GREB1L: variants seen among roughly 807,000 people sequenced by gnomAD.
GREB1L encodes the protein GREB1 like retinoic acid receptor coactivator, also known as GREB1-like protein.
Under a neutral mutation model 200.8 loss-of-function variants are expected in GREB1L, and 17 were observed. That is an observed-to-expected ratio of 0.08 (90% CI 0.06 to 0.13). GREB1L has a LOEUF of 0.13. GREB1L is among the 10% of genes least tolerant of loss of function. GREB1L has a pLI of 1.00. For synonymous variants in GREB1L, 789 were observed against 893.0 expected (o/e 0.88, Z 2.08); for missense variants, 1,657 against 2,367.7 (o/e 0.70, Z 6.23).
chr18:21,519,725 T>G (rs529064153), intron 31 of GREB1L, among the ~76,000 whole-genome samples: 1 of 152,240 alleles, frequency 6.6e-6, no homozygotes, highest in Non-Finnish European at 1.5e-5. Context: ...TGAGGTATAG[T>G]GAAATGAAGG....
chr18:21,268,511 G>GTATATATA (rs1324427104), intron 1 of GREB1L, among the ~76,000 whole-genome samples: 6 of 67,150 alleles, frequency 8.9e-5, no homozygotes, highest in Non-Finnish European at 1.5e-4. Context: ...ATATATATAT[G>GTATATATA]TATATATATA....
In GREB1L at chr18:21,403,880, A is replaced by C; in HGVS notation, c.718A>C (p.Ser240Arg). Reference sequence around the variant, plus strand: ...TTTTTACTCTTTTCCAGAATGTAGAAGCCGACAATCCTCTGCTTCTTGCCA... The same window carrying C: ...TTTTTACTCTTTTCCAGAATGTAGACGCCGACAATCCTCTGCTTCTTGCCA... ...GPLICWKECR[S>R]RQSSASCHSI... The change falls in exon 7 of 33, where the codon AGC becomes CGC. Residue 240 changes from serine (S) to arginine (R), a missense_variant. By Grantham distance (110) the Ser-to-Arg change is moderately radical. Transcript: ENST00000424526. 1 of 1,551,286 alleles carries C rather than the reference A, an allele frequency of 6.4e-7. No individual in the cohort carries two copies. The highest frequency in any genetic ancestry group is 8.7e-7 in the Non-Finnish European group (1 of 1,146,618).
At chr18:21,478,391 A>G (rs554083385) in intron 17 of GREB1L, among the ~76,000 whole-genome samples, 40 of 152,250 alleles carry the variant, frequency 2.6e-4, no homozygotes, top group Non-Finnish European at 4.3e-4. Context: ...AAAATTAGCC[A>G]TTAAGCAATG....
intron 1 of GREB1L, among the ~76,000 whole-genome samples, chr18:21,292,269 G>A (rs1967225737): frequency 6.6e-6 from 1 of 152,150 alleles, no homozygotes; most frequent in African/African-American, 2.4e-5. Flanking sequence ...ACTGTCTGGT[G>A]CTGTGTTAGG....
intron 1 of GREB1L, among the ~76,000 whole-genome samples, chr18:21,308,127 G>C (rs1598646796): frequency 6.6e-6 from 1 of 152,166 alleles, no homozygotes. Context: ...AACTATTTTT[G>C]ACTAAGTACC....
At chr18:21,356,104 G>A (rs2039499825) in intron 1 of GREB1L, among the ~76,000 whole-genome samples, 3 of 148,858 alleles carry the variant, frequency 2.0e-5, no homozygotes, top group African/African-American at 7.5e-5. Flanking sequence ...CTCCTGAGTA[G>A]CTGGGATTAC....
intron 31 of GREB1L, among the ~76,000 whole-genome samples, 172 bp downstream of exon 31, chr18:21,518,406 A>G (rs2146113880): frequency 6.6e-6 from 1 of 152,298 alleles, no homozygotes; most frequent in Admixed American, 6.5e-5. Flanking sequence ...TTGTATTTCT[A>G]CCCTTTTGCA....
chr18:21,260,465 G>A (rs766853241), intron 1 of GREB1L, among the ~76,000 whole-genome samples: 2 of 151,892 alleles, frequency 1.3e-5, no homozygotes, highest in Non-Finnish European at 2.9e-5. Flanking sequence ...GCTTTAAACT[G>A]TTAGTCCTTT....
At chr18:21,271,593 A>G (rs2038079017) in intron 1 of GREB1L, among the ~76,000 whole-genome samples, 1 of 149,436 alleles carries the variant, frequency 6.7e-6, no homozygotes, top group South Asian at 2.1e-4. Flanking sequence ...TTGAGGCTGC[A>G]GTGAGCTATA....
chr18:21,444,520 C>T (rs1025701927), intron 11 of GREB1L, 111 bp downstream of exon 11: 11 of 876,136 alleles, frequency 1.3e-5, no homozygotes, highest in East Asian at 8.0e-5. Context: ...TTCCCTCTTT[C>T]GCTTCTAATG....
intron 7 of GREB1L, among the ~76,000 whole-genome samples, chr18:21,420,154 T>A (rs1393080336): frequency 6.6e-6 from 1 of 152,012 alleles, no homozygotes; most frequent in East Asian, 1.9e-4. Flanking sequence ...GGGCAGATCA[T>A]GAGGTCAGGA....
Position 21,521,036 on chromosome 18 carries a change from A to C in GREB1L, c.5608+213A>C, listed in dbSNP as rs560603713. 3.9e-5 allele frequency among the ~76,000 whole-genome samples: 6 copies of C among 152,232 alleles called. No homozygotes were observed. In the East Asian group the frequency reaches 1.2e-3, roughly 29 times the overall value. Reference sequence around the variant, plus strand: ...ATGGTGAAACCGTCTCTACTAAAAAATACAACAAAAATTAGCCAGGCATGG... The same window carrying C: ...ATGGTGAAACCGTCTCTACTAAAAACTACAACAAAAATTAGCCAGGCATGG... On this transcript the variant is annotated intron_variant, in intron 32 of 32. Coordinates refer to ENST00000424526, the MANE Select transcript of GREB1L (RefSeq NM_001142966.3).
chr18:21,406,624 A>C (rs2030270131), intron 7 of GREB1L, among the ~76,000 whole-genome samples: 1 of 152,190 alleles, frequency 6.6e-6, no homozygotes, highest in African/African-American at 2.4e-5. Context: ...GCACTTCCTT[A>C]ACTGATGGAT....
At chr18:21,488,738 C>T (rs1242052505) in intron 18 of GREB1L, among the ~76,000 whole-genome samples, 2 of 152,156 alleles carry the variant, frequency 1.3e-5, no homozygotes, top group Non-Finnish European at 2.9e-5. Context: ...CTCACTGTAA[C>T]CTCCACCTCC....
At chr18:21,273,532 A>G (rs1275411519) in intron 1 of GREB1L, among the ~76,000 whole-genome samples, 1 of 152,204 alleles carries the variant, frequency 6.6e-6, no homozygotes, top group African/African-American at 2.4e-5. Flanking sequence ...TCCTACGCAA[A>G]CAGAAGATAA....
At chr18:21,352,971 GGA>G (rs1197563431) in intron 1 of GREB1L, among the ~76,000 whole-genome samples, 7 of 151,966 alleles carry the variant, frequency 4.6e-5, no homozygotes, top group Non-Finnish European at 1.0e-4. Flanking sequence ...CATGAGGTCA[GGA>G]GATTGAGACC....
In GREB1L at chr18:21,508,599, G is replaced by C. The variant is rs766205221; in HGVS notation, c.4735+8G>C. Reference sequence around the variant, plus strand: ...TCAATAATGCAGGCGTGGGTAAGGGGCCCCCCTGGGATGGGGAGAAGGGCT... The same window carrying C: ...TCAATAATGCAGGCGTGGGTAAGGGCCCCCCCTGGGATGGGGAGAAGGGCT... On this transcript the variant is annotated splice_region_variant and intron_variant, in intron 27 of 32. Transcript: ENST00000424526. 2 of 1,550,534 alleles carry C rather than the reference G, an allele frequency of 1.3e-6. No homozygotes were observed. The highest frequency in any genetic ancestry group is 1.7e-6 in the Non-Finnish European group (2 of 1,146,690).
chr18:21,309,656 T>C (rs183714344), intron 1 of GREB1L, among the ~76,000 whole-genome samples: 1 of 152,278 alleles, frequency 6.6e-6, no homozygotes, highest in African/African-American at 2.4e-5. Flanking sequence ...CTGGCCTTTT[T>C]CCCTTACTTT....
intron 7 of GREB1L, among the ~76,000 whole-genome samples, chr18:21,421,817 T>C (rs368359079): frequency 6.6e-6 from 1 of 152,184 alleles, no homozygotes; most frequent in East Asian, 1.9e-4. Context: ...CGTAATTGGC[T>C]CCCTATGTTT....
Sources: allele counts gnomAD v4.1 joint callset (sites outside exome capture counted in the v4.1 genomes callset), GRCh38; gene constraint gnomAD v4.1.1; transcripts MANE v1.5; gene names NCBI Gene and HGNC (gene_info 2026-07-23, HGNC 2026-07-21).